The following TCF12 variants were observed in gnomAD, a reference collection of about 807,000 sequenced individuals.
TCF12 encodes the protein DNA-binding protein HTF4.
A neutral mutation model predicts 86.0 loss-of-function variants in TCF12; 45 were observed. The ratio of observed to expected loss-of-function variants is 0.52; its 90% CI spans 0.41 to 0.67. The LOEUF (loss-of-function observed/expected upper bound fraction) is 0.67. Ranked by LOEUF, TCF12 falls within the 30% of genes least tolerant of loss-of-function variation. TCF12 has a pLI of 0.00. For missense variants in TCF12, 881 were observed against 859.9 expected (o/e 1.02, Z -0.31); for synonymous variants, 330 against 299.6 (o/e 1.10, Z -1.05).
chr15:57,107,392 A>G (rs1040455484), intron 5 of TCF12, among the ~76,000 whole-genome samples: 2 of 152,188 alleles, frequency 1.3e-5, no homozygotes, highest in African/African-American at 4.8e-5. Context: ...AACAATGGAG[A>G]CAGTAAAAAA....
intron 5 of TCF12, among the ~76,000 whole-genome samples, chr15:57,148,987 G>C (rs1467895602): frequency 6.6e-6 from 1 of 152,154 alleles, no homozygotes; most frequent in African/African-American, 2.4e-5. Flanking sequence ...TGTTTACATT[G>C]CCAGGATATA....
At chr15:57,082,169 C>G (rs2048355287) in intron 4 of TCF12, among the ~76,000 whole-genome samples, 1 of 152,166 alleles carries the variant, frequency 6.6e-6, no homozygotes, top group Non-Finnish European at 1.5e-5. Context: ...TGACTAGTAA[C>G]AGAATTCAAA....
At chr15:56,955,429 C>T (rs1410992688) in intron 3 of TCF12, among the ~76,000 whole-genome samples, 2 of 152,062 alleles carry the variant, frequency 1.3e-5, no homozygotes, top group Non-Finnish European at 2.9e-5. Context: ...GGAGGGATAG[C>T]ATTAGGAGAA....
At chr15:57,115,219 G>A (rs1260666339) in intron 5 of TCF12, among the ~76,000 whole-genome samples, 1 of 152,114 alleles carries the variant, frequency 6.6e-6, no homozygotes, top group Non-Finnish European at 1.5e-5. Context: ...AAAAATTATA[G>A]TTTAGTTCCT....
chr15:57,118,375 A>G (rs2050989545), intron 5 of TCF12: 1 of 152,246 alleles, frequency 6.6e-6, no homozygotes, highest in African/African-American at 2.4e-5. Context: ...ATGCAGTTGA[A>G]CTAGAAACTA....
At chr15:57,007,965 C>G (rs1311148491) in intron 3 of TCF12, among the ~76,000 whole-genome samples, 1 of 146,228 alleles carries the variant, frequency 6.8e-6, no homozygotes, top group Admixed American at 7.2e-5. Flanking sequence ...CTCTCTGTCT[C>G]TCTCTCTCTC....
chr15:57,276,239 C>T (rs1238680746), intron 19 of TCF12, among the ~76,000 whole-genome samples: 1 of 152,166 alleles, frequency 6.6e-6, no homozygotes, highest in Non-Finnish European at 1.5e-5. Flanking sequence ...CTGGCTGGTC[C>T]CAGAATCACC....
chr15:57,170,184 T>G (rs1280124849), intron 6 of TCF12, among the ~76,000 whole-genome samples: 2 of 152,276 alleles, frequency 1.3e-5, no homozygotes, highest in African/African-American at 4.8e-5. Context: ...ATGACTATAC[T>G]TCAGCATAGG....
chr15:57,129,818 A>T (rs771041919), intron 5 of TCF12: 2 of 152,170 alleles, frequency 1.3e-5, no homozygotes, highest in Non-Finnish European at 1.5e-5. Context: ...TAGAGAGAAG[A>T]CATACAAGTA....
chr15:57,031,049 A>G (rs1347961498), intron 3 of TCF12, among the ~76,000 whole-genome samples: 1 of 152,230 alleles, frequency 6.6e-6, no homozygotes, highest in African/African-American at 2.4e-5. Context: ...TATTGTGTGA[A>G]TTATTATTTC....
intron 18 of TCF12, among the ~76,000 whole-genome samples, chr15:57,270,178 T>C (rs546564211): frequency 6.6e-6 from 1 of 152,252 alleles, no homozygotes; most frequent in Non-Finnish European, 1.5e-5. Context: ...ATTCTCCCCA[T>C]CACTTTCAGG....
chr15:57,261,067 G>A (rs1349439593), intron 16 of TCF12, among the ~76,000 whole-genome samples: 1 of 152,086 alleles, frequency 6.6e-6, no homozygotes. Context: ...CTAATACATC[G>A]TGAAATTGTG....
intron 3 of TCF12, among the ~76,000 whole-genome samples, chr15:56,947,056 G>C (rs1346642091): frequency 6.6e-6 from 1 of 151,990 alleles, no homozygotes; most frequent in Non-Finnish European, 1.5e-5. Flanking sequence ...CCTCGGCTTC[G>C]CAAATTGCTA....
At chr15:57,260,708 C>T (rs756214637) in intron 16 of TCF12, among the ~76,000 whole-genome samples, 2 of 151,996 alleles carry the variant, frequency 1.3e-5, no homozygotes, top group Non-Finnish European at 2.9e-5. Context: ...AATTTGCAGC[C>T]GTATATTATG....
intron 5 of TCF12, among the ~76,000 whole-genome samples, chr15:57,094,284 G>A (rs1351010143): frequency 1.3e-5 from 2 of 152,160 alleles, no homozygotes; most frequent in Non-Finnish European, 2.9e-5. Flanking sequence ...TGATTAAGTA[G>A]ATAGGTTCAA....
chr15:57,020,000 A>G (rs1264464224), intron 3 of TCF12, among the ~76,000 whole-genome samples: 3 of 152,204 alleles, frequency 2.0e-5, no homozygotes, highest in Non-Finnish European at 1.5e-5. Flanking sequence ...GCCTATATCC[A>G]GGAATGAGTT....
chr15:57,115,625 CTTGTA>C (rs1416718993), intron 5 of TCF12, among the ~76,000 whole-genome samples: 2 of 152,046 alleles, frequency 1.3e-5, no homozygotes, highest in African/African-American at 4.8e-5. Context: ...TCACTAATGC[CTTGTA>C]TTCCATTAGT....
At chr15:57,141,437 C>T (rs966458098) in intron 5 of TCF12, among the ~76,000 whole-genome samples, 14 of 152,188 alleles carry the variant, frequency 9.2e-5, no homozygotes, top group Non-Finnish European at 1.9e-4. Flanking sequence ...GCAACCTCTG[C>T]CTCCCAGGTT....
chr15:57,072,590 AAATACAGT>A (rs2069497543), intron 4 of TCF12: 4 of 1,137,414 alleles, frequency 3.5e-6, no homozygotes, highest in Admixed American at 6.4e-5. Context: ...CTAGGAGTTC[AAATACAGT>A]AATTAGAAAG....
Sources: gnomAD v4.1 joint callset for allele counts (sites outside exome capture counted in the v4.1 genomes callset) on GRCh38, gnomAD v4.1.1 for gene constraint, MANE v1.5 for transcripts, NCBI Gene and HGNC (gene_info 2026-07-23, HGNC 2026-07-21) for gene names.